IL9: variants seen among roughly 807,000 people sequenced by gnomAD.
The protein encoded by IL9 is interleukin 9.
IL9 carries 16 observed loss-of-function variants against 12.9 expected under a neutral mutation model. The observed-to-expected ratio is 1.24, with a 90% CI of 0.84 to 1.88. The LOEUF is 1.88. Among genes scored for constraint, IL9 ranks in the 40% most tolerant of loss-of-function variants. The pLI, the probability that IL9 is intolerant of heterozygous loss-of-function variation, is 0.00. For synonymous variants in IL9, 69 were observed against 63.8 expected, an observed-to-expected ratio of 1.08 and a Z score of -0.39; for missense variants, 170 against 173.1, an observed-to-expected ratio of 0.98 and a Z score of 0.10.
chr5:135,894,301 A>G, intron 3 of IL9, 150 bp from the exon 4 acceptor site: 1 of 745,694 alleles, frequency 1.3e-6, no homozygotes, highest in Non-Finnish European at 2.1e-6. Context: ...CCAATGTAGG[A>G]AGTGATCTCC....
chr5:135,895,664 C>T, intron 1 of IL9, 39 bp downstream of exon 1: 3 of 1,605,170 alleles, frequency 1.9e-6, no homozygotes, highest in Non-Finnish European at 2.6e-6. Flanking sequence ...TTCACTTTGT[C>T]AGTAGCTGTC....
chr5:135,894,349 C>T (rs1314743796), intron 3 of IL9, among the ~76,000 whole-genome samples, 198 bp from the exon 4 acceptor site: 1 of 152,162 alleles, frequency 6.6e-6, no homozygotes, highest in Non-Finnish European at 1.5e-5. Flanking sequence ...ACAGTGACAT[C>T]CCCTGGAGGA....
rs192075742 is a variant in IL9, at chr5:135,893,310, T to C, written c.315+710A>G. 2.0e-3 allele frequency among the ~76,000 whole-genome samples: 305 copies of C among 152,222 alleles called. 3 individuals carry two copies. Among genetic ancestry groups the C allele is most frequent in the Non-Finnish European group, 3.6e-3 (246 of 68,006 alleles). The stretch of plus-strand genomic sequence containing the variant: ...CACCTTGACCTGGGTGCATTGCCCT[T>C]TAAATACCTCCTTAATGCAGGCCAG... On this transcript the variant is annotated intron_variant, in intron 4 of 4. Transcript: ENST00000274520.
chr5:135,894,289 T>C (rs965129681), intron 3 of IL9, 138 bp from the exon 4 acceptor site: 1 of 825,536 alleles, frequency 1.2e-6, no homozygotes, highest in Admixed American at 3.2e-5. Context: ...ACAGGTCCCT[T>C]GCCAATGTAG....
In IL9 at chr5:135,892,319, G is replaced by T; in HGVS notation, c.*72C>A. 1.7e-6 allele frequency: 2 copies of T among 1,187,174 alleles called. No individual in the cohort carries two copies. The highest frequency in any genetic ancestry group is 1.2e-6 in the Non-Finnish European group (1 of 850,128). The allele number at this position is 1,187,174 out of a possible 1,614,324, so 73.5% of individuals were successfully genotyped here. A position where few individuals can be genotyped will look rare whatever the true frequency, so the allele number is the denominator to read the frequency against. ...GATACTGATTTAGAGTAGCTTACTTGATTTTTAAATTGTAGCAACTTAAAG... is the reference window on the plus strand; with the variant it reads ...GATACTGATTTAGAGTAGCTTACTTTATTTTTAAATTGTAGCAACTTAAAG... On this transcript the variant is annotated 3_prime_UTR_variant, in exon 5 of 5. Transcript: ENST00000274520.
Position 135,894,107 on chromosome 5 carries a change from C to T in IL9, c.228G>A (p.Met76Ile). 1 of 1,613,390 alleles carries T rather than the reference C, an allele frequency of 6.2e-7. No individual in the cohort carries two copies. The highest frequency in any genetic ancestry group is 8.5e-7 in the Non-Finnish European group (1 of 1,179,638). The change falls in exon 4 of 5, where the codon ATG (methionine) becomes ATA (isoleucine). Residue 76 changes from methionine (M) to isoleucine (I), a missense_variant. Coordinates refer to ENST00000274520, the MANE Select transcript of IL9 (RefSeq NM_000590.2). ...RPCFSERLSQ[M>I]TNTTMQTRYP... ...ATCTTGTTTGCATGGTGGTATTGGT[C>T]ATCTGAGACAGTCTCTCACTGAAGC...
chr5:135,893,268 G>A (rs559187283), intron 4 of IL9, among the ~76,000 whole-genome samples: 107 of 152,274 alleles, frequency 7.0e-4, no homozygotes, highest in Non-Finnish European at 1.0e-3. Flanking sequence ...GGGCATTCAG[G>A]ATGAGTAGCA....
intron 3 of IL9, 39 bp from the exon 4 acceptor site, chr5:135,894,190 A>G: frequency 6.3e-7 from 1 of 1,591,654 alleles, no homozygotes; most frequent in East Asian, 2.2e-5. Context: ...AAATATTCTG[A>G]GGACAGCTTT....
chr5:135,893,336 G>A (rs1270410310), intron 4 of IL9, among the ~76,000 whole-genome samples: 1 of 152,226 alleles, frequency 6.6e-6, no homozygotes, highest in African/African-American at 2.4e-5. Flanking sequence ...TGCAGGCCAG[G>A]CATGGTGGCT....
intron 3 of IL9, among the ~76,000 whole-genome samples, chr5:135,894,393 G>A (rs1418485295): frequency 2.0e-5 from 3 of 152,176 alleles, no homozygotes; most frequent in African/African-American, 7.2e-5. Flanking sequence ...GAAACATGAG[G>A]GCTCTGGGCC....
chr5:135,894,251 C>A lies in IL9; in HGVS notation c.184-100G>T, dbSNP rs2069881. ...AATAGAGATGATTTTTATTTAATCACCATTACTCAAACTTGCATTATTTTT... is the reference window on the plus strand; with the variant it reads ...AATAGAGATGATTTTTATTTAATCAACATTACTCAAACTTGCATTATTTTT... On this transcript the variant is annotated intron_variant, in intron 3 of 4. Coordinates refer to ENST00000274520, the MANE Select transcript of IL9 (RefSeq NM_000590.2). The A allele has an allele frequency of 1.3e-3, 1,471 of 1,161,732 alleles. 23 individuals are homozygous for A. The African/African-American group carries it at 0.022, about 17-fold the overall frequency. 72.0% of individuals were successfully genotyped at this position (1,161,732 alleles called of 1,614,324 possible).
chr5:135,892,625 A>G, intron 4 of IL9, 115 bp from the exon 5 acceptor site: 2 of 1,205,514 alleles, frequency 1.7e-6, no homozygotes, highest in Non-Finnish European at 2.3e-6. Context: ...GGGGATGGGA[A>G]GGGAAGTGGC....
At position 135,895,768 on chromosome 5, in the gene IL9, C is replaced by T. The variant is rs1415623754; in HGVS notation, c.49G>A (p.Ala17Thr). ...GCCAAGGTTGGACACCCCTGGCCTGCCACGGAGCACAGGAGCAGGGCAGAG... is the reference window on the plus strand; with the variant it reads ...GCCAAGGTTGGACACCCCTGGCCTGTCACGGAGCACAGGAGCAGGGCAGAG... ...LTSALLLCSV[A>T]GQGCPTLAGI... is the part of the protein sequence containing the mutation. Residue 17 changes from alanine to threonine, a missense_variant, in exon 1 of 5, where the codon GCA becomes ACA. Coordinates refer to ENST00000274520, the MANE Select transcript of IL9 (RefSeq NM_000590.2). 6.2e-7 allele frequency: 1 copy of T among 1,614,076 alleles called. No homozygotes were observed. Among genetic ancestry groups the T allele is most frequent in the Non-Finnish European group, 8.5e-7 (1 of 1,179,998 alleles).
rs1762919052 is a variant in IL9 at position 135,894,705 on chromosome 5, C to T, written c.184-554G>A. 2.6e-5 allele frequency among the ~76,000 whole-genome samples: 4 copies of T among 152,210 alleles called. No individual in the cohort carries two copies. The South Asian group carries it at 8.3e-4, about 31-fold the overall frequency. ...GCAAGAAGCTCAGATTCTTCAGATT[C>T]TCCCAGGCCTTGCATGAGAAAGAAT... On this transcript the variant is annotated intron_variant, in intron 3 of 4. Coordinates refer to ENST00000274520, the MANE Select transcript of IL9 (RefSeq NM_000590.2).
At position 135,895,734 on chromosome 5, in the gene IL9, AG is replaced by A; in HGVS notation, c.82del (p.Leu28TrpfsTer24). 1.2e-6 allele frequency: 2 copies of A among 1,614,054 alleles called. No individual in the cohort carries two copies. The highest frequency in any genetic ancestry group is 1.7e-6 in the Non-Finnish European group (2 of 1,179,922). ...GQGCPTLAGI[L>X]DINFLINKMQ... The stretch of plus-strand genomic sequence containing the variant: ...CTTGTTGATGAGGAAGTTGATGTCC[AG>A]GATCCCCGCCAAGGTTGGACACCCC... On this transcript the variant is annotated frameshift_variant, in exon 1 of 5. Coordinates refer to ENST00000274520, the MANE Select transcript of IL9 (RefSeq NM_000590.2). LOFTEE classifies it high-confidence loss of function.
intron 4 of IL9, among the ~76,000 whole-genome samples, chr5:135,893,158 C>A (rs1387199948): frequency 6.6e-6 from 1 of 152,174 alleles, no homozygotes; most frequent in Admixed American, 6.5e-5. Flanking sequence ...TGTGGAGATG[C>A]TAATACCCAA....
In IL9 at chr5:135,895,429, A is replaced by T; in HGVS notation, c.183+11T>A. ...TCCAAGGTCAACATTATGTTATTTC[A>T]CTATACTTACAGAGGGAATGCCCAA... On this transcript the variant is annotated intron_variant, in intron 3 of 4. Transcript: ENST00000274520. 1 of 1,609,132 alleles carries T rather than the reference A, an allele frequency of 6.2e-7. No homozygotes were observed. Among genetic ancestry groups the T allele is most frequent in the African/African-American group, 1.3e-5 (1 of 74,724 alleles).
intron 4 of IL9, among the ~76,000 whole-genome samples, chr5:135,893,547 G>T (rs1762903369): frequency 6.6e-6 from 1 of 152,162 alleles, no homozygotes; most frequent in African/African-American, 2.4e-5. Flanking sequence ...GGGAGGCAGA[G>T]GCTGCAGTGA....
At position 135,895,806 on chromosome 5, in the gene IL9, G is replaced by A; in HGVS notation, c.11C>T (p.Ala4Val). The A allele has an allele frequency of 6.2e-7, 1 of 1,612,624 alleles. No individual in the cohort carries two copies. The highest frequency in any genetic ancestry group is 8.5e-7 in the Non-Finnish European group (1 of 1,179,120). The change falls in exon 1 of 5, where the codon GCC becomes GTC. Residue 4 changes from alanine to valine, a missense_variant. By Grantham distance (64) the Ala-to-Val change is moderately conservative. Coordinates refer to ENST00000274520, the MANE Select transcript of IL9 (RefSeq NM_000590.2). ...GAGCAGGGCAGAGGTAAGGACCATGGCCAGAAGCATCTTGACAGCGGACTG... is the reference window on the plus strand; with the variant it reads ...GAGCAGGGCAGAGGTAAGGACCATGACCAGAAGCATCTTGACAGCGGACTG... Reference protein sequence around the residue: MLLAMVLTSALLLC... With the variant: MLLVMVLTSALLLC...
Sources: gnomAD v4.1 joint callset for allele counts (sites outside exome capture counted in the v4.1 genomes callset) on GRCh38, gnomAD v4.1.1 for gene constraint, MANE v1.5 for transcripts, NCBI Gene and HGNC (gene_info 2026-07-23, HGNC 2026-07-21) for gene names.